MDFIC: variants seen among roughly 807,000 people sequenced by gnomAD.
MDFIC encodes the protein MyoD family inhibitor domain containing.
In MDFIC, 17 loss-of-function variants were observed where a neutral mutation model predicts 23.2. The ratio of observed to expected loss-of-function variants is 0.73; its 90% confidence interval spans 0.50 to 1.10. The LOEUF (loss-of-function observed/expected upper bound fraction) is 1.10. Among genes scored for constraint, MDFIC ranks in the 50% least tolerant of loss-of-function variants. MDFIC has a pLI of 0.00. For missense variants in MDFIC, 356 were observed against 316.6 expected, an observed-to-expected ratio of 1.12 and a Z score of -0.95; for synonymous variants, 120 against 115.2, an observed-to-expected ratio of 1.04 and a Z score of -0.27.
At position 115,013,211 on chromosome 7, in the gene MDFIC, A is replaced by G. The variant is rs1419996683; in HGVS notation, c.494-2477A>G. On this transcript the variant is annotated intron_variant, in intron 4 of 4. Coordinates refer to ENST00000393486, the MANE Select transcript of MDFIC (RefSeq NM_001166345.3). ...ACACATGTACTGCTGTGAAAAATAC[A>G]ATAAAAAACAAGGGAAAGATCATTT... Among the ~76,000 whole-genome samples, 4 of 152,172 alleles carry G rather than the reference A, an allele frequency of 2.6e-5. No individual in the cohort carries two copies. The East Asian group carries it at 7.7e-4, about 29-fold the overall frequency.
chr7:115,013,721 A>G (rs997595865), intron 4 of MDFIC, among the ~76,000 whole-genome samples: 3 of 152,210 alleles, frequency 2.0e-5, no homozygotes, highest in Non-Finnish European at 4.4e-5. Context: ...CATGACGATA[A>G]TGTAATTCTG....
rs1043232151 is a variant in MDFIC at position 115,018,791 on chromosome 7, A to G, written c.*2856A>G. ...CCGTATGTTTATATCTAATTGACAT[A>G]TTGACTAATGTTTGAAAGAATTCAA... On this transcript the variant is annotated 3_prime_UTR_variant, in exon 5 of 5. Transcript: ENST00000393486. 5 of 152,114 alleles carry G rather than the reference A, an allele frequency of 3.3e-5. No homozygotes were observed. The highest frequency in any genetic ancestry group is 1.2e-4 in the African/African-American group (5 of 41,442). The allele number at this position is 152,114 out of a possible 1,614,324, so 9.4% of individuals were successfully genotyped here. A position where few individuals can be genotyped will look rare whatever the true frequency, so the allele number is the denominator to read the frequency against.
At chr7:114,999,445 C>T (rs924291501) in intron 4 of MDFIC, among the ~76,000 whole-genome samples, 12 of 151,698 alleles carry the variant, frequency 7.9e-5, no homozygotes, top group African/African-American at 2.9e-4. Flanking sequence ...AATTACATTC[C>T]AAGATGACCC....
chr7:114,958,625 C>T (rs964124684), intron 3 of MDFIC, among the ~76,000 whole-genome samples: 16 of 152,082 alleles, frequency 1.1e-4, no homozygotes, highest in African/African-American at 3.9e-4. Flanking sequence ...GTGGTGCATG[C>T]CTGTAATCCC....
intron 4 of MDFIC, chr7:115,014,060 A>G: frequency 2.0e-6 from 2 of 985,134 alleles, no homozygotes; most frequent in Non-Finnish European, 2.4e-6. Context: ...TACAAACACA[A>G]CTCTGGAATT....
intron 3 of MDFIC, among the ~76,000 whole-genome samples, chr7:114,978,900 A>T (rs1432628674): frequency 6.6e-6 from 1 of 152,166 alleles, no homozygotes; most frequent in East Asian, 1.9e-4. Context: ...GATATGTTTT[A>T]TTAAAGAAAT....
intron 3 of MDFIC, among the ~76,000 whole-genome samples, chr7:114,955,602 A>G (rs777494627): frequency 6.6e-6 from 1 of 152,184 alleles, no homozygotes. Context: ...GGCCATGCAC[A>G]TAGTTTCCCC....
At chr7:114,931,216 A>T (rs532598260) in intron 2 of MDFIC, among the ~76,000 whole-genome samples, 1 of 152,326 alleles carries the variant, frequency 6.6e-6, no homozygotes, top group South Asian at 2.1e-4. Context: ...TATTTTATAG[A>T]TTCTTCTTCT....
chr7:114,969,577 A>T (rs778256764), intron 3 of MDFIC, among the ~76,000 whole-genome samples: 1 of 152,172 alleles, frequency 6.6e-6, no homozygotes, highest in Non-Finnish European at 1.5e-5. Flanking sequence ...ATTTTTGTGA[A>T]GGGTTCATGT....
At chr7:114,929,055 A>ATAGATATAGATCTATAGATAAC (rs1792253981) in intron 2 of MDFIC, among the ~76,000 whole-genome samples, 3 of 149,922 alleles carry the variant, frequency 2.0e-5, no homozygotes, top group Admixed American at 6.6e-5. Context: ...CTATAGATAA[A>ATAGATATAGATCTATAGATAAC]TATAGATATA....
intron 2 of MDFIC, among the ~76,000 whole-genome samples, chr7:114,936,265 G>A (rs1213532412): frequency 1.3e-5 from 2 of 152,164 alleles, no homozygotes. Flanking sequence ...CGTCAGGAAG[G>A]CTTCAAGTAT....
At position 114,922,640 on chromosome 7, in the gene MDFIC, G is replaced by A; in HGVS notation, c.-108+4G>A. On this transcript the variant is annotated splice_donor_region_variant and intron_variant, in intron 1 of 4. Coordinates refer to ENST00000393486, the MANE Select transcript of MDFIC (RefSeq NM_001166345.3). ...GCGACTACGGGGGGATGCGGAGGTAGGTAGTGGTCTCCGGGCGGGGAAGAG... is the reference window on the plus strand; with the variant it reads ...GCGACTACGGGGGGATGCGGAGGTAAGTAGTGGTCTCCGGGCGGGGAAGAG... 5 of 1,304,378 alleles carry A rather than the reference G, an allele frequency of 3.8e-6. No homozygotes were observed. The highest frequency in any genetic ancestry group is 3.9e-6 in the Non-Finnish European group (4 of 1,021,596). 80.8% of individuals were successfully genotyped at this position (1,304,378 alleles called of 1,614,324 possible). A position where few individuals can be genotyped will look rare whatever the true frequency, so the allele number is the denominator to read the frequency against.
At chr7:115,007,166 A>T (rs1165779265) in intron 4 of MDFIC, among the ~76,000 whole-genome samples, 1 of 152,148 alleles carries the variant, frequency 6.6e-6, no homozygotes, top group Non-Finnish European at 1.5e-5. Context: ...GTTAAAATAG[A>T]ATGGTCCGAT....
At chr7:114,928,613 C>G (rs144379592) in intron 2 of MDFIC, among the ~76,000 whole-genome samples, 3 of 152,068 alleles carry the variant, frequency 2.0e-5, no homozygotes, top group African/African-American at 4.8e-5. Flanking sequence ...TATGAAGGGT[C>G]GGAGAACAAG....
chr7:115,013,442 C>T (rs1368056919), intron 4 of MDFIC, among the ~76,000 whole-genome samples: 1 of 152,130 alleles, frequency 6.6e-6, no homozygotes, highest in Non-Finnish European at 1.5e-5. Context: ...TTTACATAAT[C>T]AATAACTACT....
At chr7:114,991,407 G>A (rs900332353) in intron 4 of MDFIC, among the ~76,000 whole-genome samples, 1 of 152,110 alleles carries the variant, frequency 6.6e-6, no homozygotes, top group Non-Finnish European at 1.5e-5. Context: ...TGGTGTTTTA[G>A]ACATGAAGTC....
chr7:115,004,179 A>G (rs1224469724), intron 4 of MDFIC, among the ~76,000 whole-genome samples: 1 of 152,184 alleles, frequency 6.6e-6, no homozygotes, highest in Non-Finnish European at 1.5e-5. Context: ...CTATATAAAG[A>G]TTTTGAACCT....
At chr7:115,008,196 T>G (rs1385566391) in intron 4 of MDFIC, among the ~76,000 whole-genome samples, 3 of 151,798 alleles carry the variant, frequency 2.0e-5, no homozygotes, top group Non-Finnish European at 4.4e-5. Flanking sequence ...TCATTTAAAA[T>G]ATGAAAGCAA....
intron 3 of MDFIC, among the ~76,000 whole-genome samples, chr7:114,951,037 T>C (rs1792758772): frequency 1.3e-5 from 2 of 152,068 alleles, no homozygotes; most frequent in Non-Finnish European, 2.9e-5. Flanking sequence ...AAAAAAATCA[T>C]TAGCCAGGCA....
Sources: allele counts gnomAD v4.1 joint callset (sites outside exome capture counted in the v4.1 genomes callset), GRCh38; gene constraint gnomAD v4.1.1; transcripts MANE v1.5; gene names NCBI Gene and HGNC (gene_info 2026-07-23, HGNC 2026-07-21).